Variants in CELF6 observed in about 807,000 individuals in gnomAD.
CELF6 encodes Bruno -like 6, RNA binding protein.
Under a neutral mutation model 53.1 loss-of-function variants are expected in CELF6, and 32 were observed. That is an observed-to-expected ratio of 0.60 (90% CI 0.46 to 0.81). The LOEUF (loss-of-function observed/expected upper bound fraction) is 0.81. Among genes scored for constraint, CELF6 ranks in the 30% least tolerant of loss-of-function variants. CELF6 has a pLI of 0.00. For missense variants in CELF6, 539 were observed against 669.5 expected (o/e 0.81, Z 2.15); for synonymous variants, 291 against 288.8 (o/e 1.01, Z -0.08).
rs1350047327 is a variant in CELF6 at position 72,289,670 on chromosome 15, G to A, written c.704C>T (p.Pro235Leu). The A allele has an allele frequency of 2.7e-6, 4 of 1,499,798 alleles. No homozygotes were observed. Among genetic ancestry groups the A allele is most frequent in the Non-Finnish European group, 3.5e-6 (4 of 1,133,520 alleles). The allele number at this position is 1,499,798 out of a possible 1,614,324, so 92.9% of individuals were successfully genotyped here. Residue 235 changes from proline (P) to leucine (L), a missense_variant, in exon 6 of 13, where the codon CCC becomes CTC. This residue lies in a region of CELF6 where 358 missense variants were observed against 412.8 expected (regional missense o/e 0.87). Coordinates refer to ENST00000287202, the MANE Select transcript of CELF6 (RefSeq NM_052840.5). The surrounding 1 kb of genome is among the most constrained non-coding windows in gnomAD (Gnocchi z 7.6). Reference protein sequence around the residue: ...QMAGHLGAFHPAPLPLGACGA... With the variant: ...QMAGHLGAFHLAPLPLGACGA... ...GCAGGCCCCTAGCGGCAGTGGCGCG[G>A]GGTGGAAGGCGCCCAGGTGGCCGGC...
chr15:72,301,174 T>G (rs2088151015), intron 3 of CELF6, among the ~76,000 whole-genome samples: 1 of 152,086 alleles, frequency 6.6e-6, no homozygotes, highest in Admixed American at 6.5e-5. Context: ...GCATATTTTT[T>G]GCAGAGACAG....
intron 3 of CELF6, among the ~76,000 whole-genome samples, chr15:72,302,604 A>G (rs2088173541): frequency 6.6e-6 from 1 of 152,190 alleles, no homozygotes; most frequent in South Asian, 2.1e-4. Context: ...GCCAAGCAAA[A>G]GCACTATCAG....
chr15:72,289,456 C>G lies in CELF6; in HGVS notation c.799G>C (p.Gly267Arg). The change falls in exon 7 of 13, where the codon GGC (glycine) becomes CGC (arginine). Residue 267 changes from glycine (G) to arginine (R), a missense_variant. By Grantham distance (125) the Gly-to-Arg change is moderately radical. Transcript: ENST00000287202. The surrounding 1 kb of genome is among the most constrained non-coding windows in gnomAD (Gnocchi z 7.6). The part of the protein sequence containing the change: ...LLAAAQGPGL[G>R]PVAAVAAQMQ... The stretch of plus-strand genomic sequence containing the variant: ...TGGGCCGCCACTGCCGCCACCGGGC[C>G]TAGGCCTGGGCCCTGTGCCGCCGCC... 2 of 1,539,520 alleles carry G rather than the reference C, an allele frequency of 1.3e-6. No homozygotes were observed. The highest frequency in any genetic ancestry group is 1.2e-5 in the South Asian group (1 of 84,366).
At chr15:72,312,530 G>A (rs2088310708) in intron 2 of CELF6, among the ~76,000 whole-genome samples, 1 of 152,176 alleles carries the variant, frequency 6.6e-6, no homozygotes, top group Non-Finnish European at 1.5e-5. Context: ...TTGGGAGGCT[G>A]AGGCAGGAGA....
Position 72,289,181 on chromosome 15 carries a change from C to T in CELF6, c.987G>A (p.Pro329=), listed in dbSNP as rs2087965168. The T allele has an allele frequency of 6.4e-7, 1 of 1,559,754 alleles. No individual in the cohort carries two copies. Among genetic ancestry groups the T allele is most frequent in the Non-Finnish European group, 8.6e-7 (1 of 1,163,000 alleles). ...CGTTATTGTAGAGCGTGTCGGAGCCCGGCTGGCCATTGGTCTGGGGGGTCA... is the reference window on the plus strand; with the variant it reads ...CGTTATTGTAGAGCGTGTCGGAGCCTGGCTGGCCATTGGTCTGGGGGGTCA... ...GPLTPQTNGQ[P]GSDTLYNNGL... is the part of the protein sequence containing the mutation. The change falls in exon 8 of 13, where the codon CCG becomes CCA. Residue 329 remains proline (P), a synonymous_variant. Coordinates refer to ENST00000287202, the MANE Select transcript of CELF6 (RefSeq NM_052840.5). The surrounding 1 kb of genome is among the most constrained non-coding windows in gnomAD (Gnocchi z 7.6).
rs1286301719 is a variant in CELF6, at chr15:72,287,306, C to A, written c.1405G>T (p.Val469Phe). Reference sequence around the variant, plus strand: ...GCATCCTTGGGCCGCTTTAGCTGGACCTTGAGCCTCTTCATGCCAATTTGA... The same window carrying A: ...GCATCCTTGGGCCGCTTTAGCTGGAACTTGAGCCTCTTCATGCCAATTTGA... ...GFQIGMKRLK[V>F]QLKRPKDANR... Residue 469 changes from valine (V) to phenylalanine (F), a missense_variant, in exon 12 of 13, where the codon GTC (valine) becomes TTC (phenylalanine). Coordinates refer to ENST00000287202, the MANE Select transcript of CELF6 (RefSeq NM_052840.5). 1.2e-6 allele frequency: 2 copies of A among 1,614,164 alleles called. No homozygotes were observed. The highest frequency in any genetic ancestry group is 1.7e-6 in the Non-Finnish European group (2 of 1,180,006).
intron 3 of CELF6, among the ~76,000 whole-genome samples, chr15:72,296,777 G>A (rs778563988): frequency 7.9e-5 from 12 of 152,204 alleles, no homozygotes; most frequent in Non-Finnish European, 1.5e-4. Context: ...TAGGATGACT[G>A]CTATCAAAGA....
intron 3 of CELF6, chr15:72,292,181 C>T: frequency 6.5e-7 from 1 of 1,528,290 alleles, no homozygotes; most frequent in Non-Finnish European, 8.8e-7. Flanking sequence ...CAAGGAAAGC[C>T]CTTTGAAATT....
Position 72,320,131 on chromosome 15 carries a change from GCTCT to G in CELF6, c.-261_-258del, listed in dbSNP as rs1370478319. ...GGGTCTGGCTTGAGGTCCCCGTGCG[GCTCT>G]CTCTGGGCTCCCGCCCGAGCTCTCC... On this transcript the variant is annotated 5_prime_UTR_variant, in exon 1 of 13. Coordinates refer to ENST00000287202, the MANE Select transcript of CELF6 (RefSeq NM_052840.5). The G allele has an allele frequency of 7.8e-6, 5 of 639,964 alleles. No individual in the cohort carries two copies. In the East Asian group the frequency reaches 1.3e-4, roughly 16 times the overall value. 39.6% of individuals were successfully genotyped at this position (639,964 alleles called of 1,614,324 possible). A position where few individuals can be genotyped will look rare whatever the true frequency, so the allele number is the denominator to read the frequency against.
chr15:72,315,951 G>A, intron 1 of CELF6, 24 bp from the exon 2 acceptor site: 1 of 1,547,384 alleles, frequency 6.5e-7, no homozygotes, highest in Non-Finnish European at 8.8e-7. Flanking sequence ...GGCTGGCTCA[G>A]GGGGTTTCCT....
Position 72,289,223 on chromosome 15 carries a change from G to C in CELF6, c.945C>G (p.Val315=), listed in dbSNP as rs1267871418. Reference sequence around the variant, plus strand: ...GGGGGGTCAGAGGGCCGAATCCATTGACCCCGATGGGCGCCGGAAGACCTG... The same window carrying C: ...GGGGGGTCAGAGGGCCGAATCCATTCACCCCGATGGGCGCCGGAAGACCTG... ...TLPGLPAPIG[V]NGFGPLTPQT... is the part of the protein sequence containing the mutation. The change falls in exon 8 of 13, where the codon GTC becomes GTG. Residue 315 remains valine (V), a synonymous_variant. Coordinates refer to ENST00000287202, the MANE Select transcript of CELF6 (RefSeq NM_052840.5). The surrounding 1 kb of genome is among the most constrained non-coding windows in gnomAD (Gnocchi z 7.6). 6.4e-7 allele frequency: 1 copy of C among 1,574,338 alleles called. No homozygotes were observed. Among genetic ancestry groups the C allele is most frequent in the Non-Finnish European group, 8.6e-7 (1 of 1,167,240 alleles).
At position 72,289,387 on chromosome 15, in the gene CELF6, A is replaced by G. The variant is rs2087971909; in HGVS notation, c.868T>C (p.Leu290=). 6.4e-6 allele frequency: 10 copies of G among 1,554,790 alleles called. No individual in the cohort carries two copies. Among genetic ancestry groups the G allele is most frequent in the Non-Finnish European group, 8.6e-6 (10 of 1,158,692 alleles). The change falls in exon 7 of 13, where the codon TTG becomes CTG. Residue 290 remains leucine (L), a synonymous_variant. Coordinates refer to ENST00000287202, the MANE Select transcript of CELF6 (RefSeq NM_052840.5). The surrounding 1 kb of genome is among the most constrained non-coding windows in gnomAD (Gnocchi z 7.6). ...AAFSLVAAPL[L]PAAAANSPPG... ...CTGGGGGCCGTACCTGCCGCGGGCA[A>G]CAGAGGCGCAGCTACCAGGCTAAAG... is the stretch of plus-strand genomic sequence containing the variant.
At chr15:72,310,099 A>G (rs1433277201) in intron 2 of CELF6, among the ~76,000 whole-genome samples, 4 of 152,184 alleles carry the variant, frequency 2.6e-5, no homozygotes, top group Admixed American at 2.0e-4. Flanking sequence ...CTTTGGGCTC[A>G]GCATTGCCCT....
chr15:72,286,696 C>T (rs2087926938), intron 12 of CELF6, among the ~76,000 whole-genome samples: 1 of 152,234 alleles, frequency 6.6e-6, no homozygotes, highest in Non-Finnish European at 1.5e-5. Context: ...GAACTTGGCC[C>T]ATCTTTCTCC....
At chr15:72,294,110 G>A (rs929643420) in intron 3 of CELF6, among the ~76,000 whole-genome samples, 2 of 152,144 alleles carry the variant, frequency 1.3e-5, no homozygotes, top group African/African-American at 2.4e-5. Context: ...CAAATGATGG[G>A]GTTGACATCC....
intron 3 of CELF6, among the ~76,000 whole-genome samples, chr15:72,297,377 G>A (rs1258553410): frequency 6.6e-5 from 10 of 152,188 alleles, no homozygotes; most frequent in Non-Finnish European, 2.9e-5. Flanking sequence ...GGTTCCACAC[G>A]TAAGTGAGAT....
At chr15:72,306,483 G>C (rs952189505) in intron 2 of CELF6, among the ~76,000 whole-genome samples, 1 of 144,908 alleles carries the variant, frequency 6.9e-6, no homozygotes, top group Non-Finnish European at 1.5e-5. Flanking sequence ...CCATGGTAAC[G>C]CCCTGGCAGT....
intron 3 of CELF6, chr15:72,292,226 G>C (rs1434389440): frequency 2.0e-6 from 3 of 1,535,636 alleles, no homozygotes; most frequent in Admixed American, 2.0e-5. Context: ...AGTTCCAGCT[G>C]TTGTTTGAGG....
chr15:72,307,828 G>A (rs1333837912), intron 2 of CELF6, among the ~76,000 whole-genome samples: 2 of 152,248 alleles, frequency 1.3e-5, no homozygotes, highest in African/African-American at 2.4e-5. Context: ...GAGGAAAGCT[G>A]CATAGAAGAG....
Sources: allele counts gnomAD v4.1 joint callset (sites outside exome capture counted in the v4.1 genomes callset), GRCh38; gene constraint gnomAD v4.1.1; regional missense constraint gnomAD v4.1.1; non-coding constraint Gnocchi (gnomAD v3.1); transcripts MANE v1.5; gene names NCBI Gene and HGNC (gene_info 2026-07-23, HGNC 2026-07-21).